The following RUFY1 variants were observed in gnomAD, a reference collection of about 807,000 sequenced individuals.
RUFY1 encodes RUN and FYVE domain containing 1, also known as RUN and FYVE domain-containing protein 1.
Under a neutral mutation model 94.6 loss-of-function variants are expected in RUFY1, and 54 were observed. The ratio of observed to expected loss-of-function variants is 0.57; its 90% CI spans 0.46 to 0.72. The LOEUF (loss-of-function observed/expected upper bound fraction) is 0.72. Among genes scored for constraint, RUFY1 ranks in the 30% least tolerant of loss-of-function variants. The pLI, the probability that RUFY1 is intolerant of heterozygous loss-of-function variation, is 0.00. For synonymous variants in RUFY1, 396 were observed against 347.3 expected (o/e 1.14, Z -1.56); for missense variants, 883 against 883.9 (o/e 1.00, Z 0.01).
At position 179,593,502 on chromosome 5, in the gene RUFY1, C is replaced by G; in HGVS notation, c.1270C>G (p.Gln424Glu). Residue 424 changes from glutamine to glutamate, a missense_variant, in exon 11 of 18, where the codon CAA becomes GAA. Gln to Glu is a conservative substitution (Grantham distance 29, BLOSUM62 2). Coordinates refer to ENST00000319449, the MANE Select transcript of RUFY1 (RefSeq NM_025158.5). ...GGAACTGGAAAAAGAACTGGAGTTA[C>G]AAATTGGAATGAAAACCGAAATGGA... The part of the protein sequence containing the change: ...RLELEKELEL[Q>E]IGMKTEMEIA... 1 of 1,603,402 alleles carries G rather than the reference C, an allele frequency of 6.2e-7. No individual in the cohort carries two copies. The highest frequency in any genetic ancestry group is 1.1e-5 in the South Asian group (1 of 90,848).
chr5:179,607,777 CTGTGGCAGAT>C, intron 17 of RUFY1, 118 bp downstream of exon 17: 1 of 852,612 alleles, frequency 1.2e-6, no homozygotes, highest in South Asian at 1.6e-5. Context: ...ACTGTGCTGA[CTGTGGCAGAT>C]GGGCAGCCCC....
chr5:179,566,249 TTTTTC>T (rs1374920355), intron 3 of RUFY1, among the ~76,000 whole-genome samples: 1 of 152,204 alleles, frequency 6.6e-6, no homozygotes, highest in East Asian at 1.9e-4. Context: ...TCCTTTTCCT[TTTTTC>T]TTTTCTTTTC....
intron 1 of RUFY1, among the ~76,000 whole-genome samples, chr5:179,559,121 TGAGGGCCGCGCTTCGCACCTGGGA>T (rs1435337727): frequency 6.6e-6 from 1 of 152,022 alleles, no homozygotes; most frequent in Non-Finnish European, 1.5e-5. Context: ...CGCGCCCGGG[TGAGGGCCGCGCTTCGCACCTGGGA>T]CTTTCCTGCC....
At chr5:179,608,728 C>G in intron 17 of RUFY1, 2 of 652,428 alleles carry the variant, frequency 3.1e-6, no homozygotes, top group African/African-American at 4.0e-5. Context: ...AAGTTCAAGA[C>G]CAGTCTGGCC....
At chr5:179,598,189 C>CA (rs376076761) in intron 13 of RUFY1, 2,215 of 152,436 alleles carry the variant, frequency 0.015, 64 homozygotes, top group African/African-American at 0.048. Context: ...GACTCCGTCT[C>CA]AAAAAAAAAC....
intron 5 of RUFY1, 114 bp downstream of exon 5, chr5:179,569,539 T>A: frequency 9.7e-7 from 1 of 1,027,592 alleles, no homozygotes; most frequent in Non-Finnish European, 1.5e-6. Flanking sequence ...AGCCCACTGG[T>A]AGAGGACCCC....
At chr5:179,591,585 A>G (rs958890889) in intron 9 of RUFY1, 40 bp from the exon 10 acceptor site, 2 of 1,244,328 alleles carry the variant, frequency 1.6e-6, no homozygotes, top group South Asian at 1.3e-5. Flanking sequence ...CTTGCTTTCC[A>G]TAAGCAAACA....
chr5:179,561,498 GA>G (rs1477767077), intron 2 of RUFY1, among the ~76,000 whole-genome samples: 1 of 151,598 alleles, frequency 6.6e-6, no homozygotes. Flanking sequence ...GCTATGTAGA[GA>G]ACAGATTGTA....
At chr5:179,570,405 G>A (rs980997836) in intron 5 of RUFY1, among the ~76,000 whole-genome samples, 1 of 152,200 alleles carries the variant, frequency 6.6e-6, no homozygotes, top group Non-Finnish European at 1.5e-5. Flanking sequence ...AGTCAGGAGA[G>A]ATTTGGGAAG....
rs61062422 is a variant in RUFY1, at chr5:179,579,657, CT to C, written c.891-1268del. On this transcript the variant is annotated intron_variant, in intron 6 of 17. Coordinates refer to ENST00000319449, the MANE Select transcript of RUFY1 (RefSeq NM_025158.5). ...TAACAAAATATACCCTTTTCTTCTTCTTTTTTTTTTTTTTTTTTTTTTGAGA... is the reference window on the plus strand; with the variant it reads ...TAACAAAATATACCCTTTTCTTCTTCTTTTTTTTTTTTTTTTTTTTTGAGA... 7.9e-4 allele frequency among the ~76,000 whole-genome samples: 40 copies of C among 50,560 alleles called. 2 individuals are homozygous for C. The highest frequency in any genetic ancestry group is 3.0e-3 in the Admixed American group (8 of 2,644). 33.2% of individuals were successfully genotyped at this position (50,560 alleles called of 152,430 possible).
chr5:179,561,036 C>T (rs1431192018), intron 2 of RUFY1, among the ~76,000 whole-genome samples: 2 of 151,908 alleles, frequency 1.3e-5, no homozygotes, highest in African/African-American at 2.4e-5. Context: ...CATGGTGAAA[C>T]CCTGCCTCTG....
Position 179,550,622 on chromosome 5 carries a change from C to T in RUFY1, c.53C>T (p.Pro18Leu), listed in dbSNP as rs1477770201. ...CAAGRGRELE[P>L]ELEPGPGPGS... ...GCTGGGCGGGGGCGGGAGCTGGAGC[C>T]GGAGCTGGAGCCGGGGCCGGGGCCC... Residue 18 changes from proline to leucine, a missense_variant, in exon 1 of 18, where the codon CCG becomes CTG. Physicochemically the swap from Pro to Leu is moderately conservative, Grantham distance 98. Coordinates refer to ENST00000319449, the MANE Select transcript of RUFY1 (RefSeq NM_025158.5). 2.2e-6 allele frequency: 3 copies of T among 1,350,912 alleles called. No homozygotes were observed. Among genetic ancestry groups the T allele is most frequent in the East Asian group, 3.5e-5 (1 of 28,560 alleles). 83.7% of individuals were successfully genotyped at this position (1,350,912 alleles called of 1,614,324 possible). A position where few individuals can be genotyped will look rare whatever the true frequency, so the allele number is the denominator to read the frequency against.
Position 179,607,628 on chromosome 5 carries a change from G to A in RUFY1, c.1952G>A (p.Cys651Tyr), listed in dbSNP as rs1767243013. 2.5e-6 allele frequency: 4 copies of A among 1,614,236 alleles called. No homozygotes were observed. Among genetic ancestry groups the A allele is most frequent in the Non-Finnish European group, 2.5e-6 (3 of 1,180,036 alleles). ...KDDEATHCRQ[C>Y]EKEFSISRRK... ...GACGAAGCGACACACTGTAGGCAGT[G>A]TGAGAAGGAGTTCTCCATTTCCCGG... is the stretch of plus-strand genomic sequence containing the variant. The change falls in exon 17 of 18, where the codon TGT becomes TAT. Residue 651 changes from cysteine (C) to tyrosine (Y), a missense_variant. Transcript: ENST00000319449.
At chr5:179,570,816 G>T (rs1581454486) in intron 5 of RUFY1, among the ~76,000 whole-genome samples, 1 of 151,178 alleles carries the variant, frequency 6.6e-6, no homozygotes, top group South Asian at 2.1e-4. Flanking sequence ...TTTGCATGTT[G>T]AAAAATATCT....
At position 179,569,383 on chromosome 5, in the gene RUFY1, C is replaced by A. The variant is rs140249165; in HGVS notation, c.786C>A (p.Leu262=). 2 of 1,613,488 alleles carry A rather than the reference C, an allele frequency of 1.2e-6. No homozygotes were observed. Among genetic ancestry groups the A allele is most frequent in the Non-Finnish European group, 1.7e-6 (2 of 1,179,926 alleles). The change falls in exon 5 of 18, where the codon CTC becomes CTA. Residue 262 remains leucine (L), a synonymous_variant. Coordinates refer to ENST00000319449, the MANE Select transcript of RUFY1 (RefSeq NM_025158.5). ...GTCTGCTGGTGGGACTCAATGTTCT[C>A]GATGCCAATCTCTGCTTGAAAGGAG... ...IVGLLVGLNV[L]DANLCLKGED...
intron 9 of RUFY1, among the ~76,000 whole-genome samples, chr5:179,590,447 G>T (rs1485335636): frequency 1.3e-5 from 2 of 151,960 alleles, no homozygotes; most frequent in Non-Finnish European, 2.9e-5. Context: ...TTGAATGAGG[G>T]TTTTTCCTGC....
chr5:179,556,723 C>T (rs912268014), intron 1 of RUFY1, among the ~76,000 whole-genome samples: 4 of 152,178 alleles, frequency 2.6e-5, no homozygotes, highest in African/African-American at 7.2e-5. Context: ...TGATCTCGAA[C>T]TCCTGACCTC....
chr5:179,606,276 C>A (rs891135809), intron 16 of RUFY1: 3 of 307,244 alleles, frequency 9.8e-6, no homozygotes, highest in Admixed American at 5.2e-5. Flanking sequence ...AAGTGAGGGG[C>A]CAGAGGCCAG....
intron 14 of RUFY1, among the ~76,000 whole-genome samples, chr5:179,601,208 G>A (rs1279336730): frequency 2.0e-5 from 3 of 151,624 alleles, no homozygotes; most frequent in East Asian, 2.0e-4. Flanking sequence ...TTGCTCTGTC[G>A]CCCAGGCTGG....
Sources: gnomAD v4.1 joint callset for allele counts (sites outside exome capture counted in the v4.1 genomes callset) on GRCh38, gnomAD v4.1.1 for gene constraint, MANE v1.5 for transcripts, NCBI Gene and HGNC (gene_info 2026-07-23, HGNC 2026-07-21) for gene names.